Variants in CCDC178 observed in about 807,000 individuals in gnomAD.
CCDC178 encodes the protein coiled-coil domain containing 178.
CCDC178 carries 126 observed loss-of-function variants against 117.4 expected under a neutral mutation model. The ratio of observed to expected loss-of-function variants is 1.07; its 90% confidence interval spans 0.93 to 1.24. CCDC178 has a LOEUF of 1.24. Among genes scored for constraint, CCDC178 ranks in the 50% most tolerant of loss-of-function variants. CCDC178 has a pLI of 0.00. For synonymous variants in CCDC178, 283 were observed against 313.4 expected (o/e 0.90, Z 1.02); for missense variants, 1,030 against 986.9 (o/e 1.04, Z -0.59).
chr18:33,312,406 T>C (rs1034940375), intron 11 of CCDC178, among the ~76,000 whole-genome samples: 2 of 152,120 alleles, frequency 1.3e-5, no homozygotes, highest in Admixed American at 1.3e-4. Flanking sequence ...GATCTGACAG[T>C]TTTGAATGGA....
intron 20 of CCDC178, among the ~76,000 whole-genome samples, chr18:33,094,135 A>G (rs2057507578): frequency 6.6e-6 from 1 of 152,078 alleles, no homozygotes; most frequent in Non-Finnish European, 1.5e-5. Flanking sequence ...GCTGGTATCC[A>G]TATTGATCCC....
chr18:33,081,784 T>C (rs1160060963), intron 21 of CCDC178, among the ~76,000 whole-genome samples: 2 of 152,202 alleles, frequency 1.3e-5, no homozygotes, highest in Admixed American at 6.5e-5. Context: ...AGCCACTGCA[T>C]TGTTACTTTT....
chr18:33,231,328 T>C (rs1273184566), intron 15 of CCDC178, among the ~76,000 whole-genome samples: 5 of 151,980 alleles, frequency 3.3e-5, no homozygotes, highest in Non-Finnish European at 7.4e-5. Context: ...AAATGTAACG[T>C]AGTGAAAGAC....
At chr18:33,296,652 T>C (rs1363634352) in intron 11 of CCDC178, among the ~76,000 whole-genome samples, 2 of 152,128 alleles carry the variant, frequency 1.3e-5, no homozygotes, top group Non-Finnish European at 2.9e-5. Flanking sequence ...ATAAGACACA[T>C]AAAAAATCCC....
chr18:33,185,341 G>GA (rs954559775), intron 20 of CCDC178, among the ~76,000 whole-genome samples: 1 of 151,958 alleles, frequency 6.6e-6, no homozygotes, highest in African/African-American at 2.4e-5. Flanking sequence ...CACCTTCCAT[G>GA]AAAAAATGAA....
chr18:33,363,741 C>T (rs73421895), intron 6 of CCDC178, among the ~76,000 whole-genome samples: 2,380 of 152,102 alleles, frequency 0.016, 66 homozygotes, highest in African/African-American at 0.054. Flanking sequence ...CAAGGAACTT[C>T]ATCTGTATCA....
intron 21 of CCDC178, among the ~76,000 whole-genome samples, chr18:32,990,992 T>C (rs2055376622): frequency 6.6e-6 from 1 of 151,406 alleles, no homozygotes; most frequent in African/African-American, 2.4e-5. Context: ...TGAGTAGTTA[T>C]CTGCTTTAAA....
At chr18:33,157,786 A>T (rs2058418519) in intron 20 of CCDC178, among the ~76,000 whole-genome samples, 1 of 151,916 alleles carries the variant, frequency 6.6e-6, no homozygotes, top group Admixed American at 6.6e-5. Flanking sequence ...CAGATTGATT[A>T]CTTCTATATT....
intron 5 of CCDC178, among the ~76,000 whole-genome samples, chr18:33,377,259 G>A (rs1449354001): frequency 1.3e-5 from 2 of 149,382 alleles, no homozygotes; most frequent in South Asian, 4.3e-4. Context: ...CTTTTGAAAA[G>A]TGTTTATGTC....
At chr18:33,240,482 GAA>G (rs1022497385) in intron 15 of CCDC178, among the ~76,000 whole-genome samples, 2 of 150,940 alleles carry the variant, frequency 1.3e-5, no homozygotes, top group Non-Finnish European at 3.0e-5. Context: ...GCTAGACTAA[GAA>G]AAAAAGAGAG....
chr18:33,028,034 G>A (rs999098430), intron 21 of CCDC178, among the ~76,000 whole-genome samples: 1 of 151,556 alleles, frequency 6.6e-6, no homozygotes, highest in African/African-American at 2.4e-5. Context: ...AGCAAATCTA[G>A]AACTTCAAAG....
intron 20 of CCDC178, among the ~76,000 whole-genome samples, chr18:33,195,956 T>C (rs1368542584): frequency 6.6e-6 from 1 of 152,174 alleles, no homozygotes; most frequent in Non-Finnish European, 1.5e-5. Flanking sequence ...TAGAGTTGAA[T>C]TACCTAAAGA....
intron 20 of CCDC178, among the ~76,000 whole-genome samples, chr18:33,202,834 T>C (rs2059008040): frequency 6.6e-6 from 1 of 152,234 alleles, no homozygotes; most frequent in Non-Finnish European, 1.5e-5. Context: ...ATATATTCTT[T>C]ACCTGTATTC....
intron 21 of CCDC178, among the ~76,000 whole-genome samples, chr18:33,034,759 T>G (rs1418637688): frequency 1.3e-5 from 2 of 151,968 alleles, no homozygotes; most frequent in Non-Finnish European, 2.9e-5. Context: ...TTCAATTCCT[T>G]TCAAAAATCA....
At chr18:33,325,833 G>GT (rs1568148493) in intron 10 of CCDC178, among the ~76,000 whole-genome samples, 1 of 152,098 alleles carries the variant, frequency 6.6e-6, no homozygotes, top group East Asian at 1.9e-4. Flanking sequence ...AAGTTTATTT[G>GT]TTGAAGTACA....
At position 33,223,219 on chromosome 18, in the gene CCDC178, T is replaced by A; in HGVS notation, c.1819A>T (p.Met607Leu). 6.3e-7 allele frequency: 1 copy of A among 1,591,964 alleles called. No individual in the cohort carries two copies. The highest frequency in any genetic ancestry group is 8.5e-7 in the Non-Finnish European group (1 of 1,170,342). Residue 607 changes from methionine to leucine, a missense_variant and splice_region_variant, in exon 18 of 23, where the codon ATG (methionine) becomes TTG (leucine). Physicochemically the swap from Met to Leu is conservative, Grantham distance 15 (BLOSUM62 2). Coordinates refer to ENST00000383096, the MANE Select transcript of CCDC178 (RefSeq NM_001105528.4). ...IRSLDKEHSV[M>L]LNNIIDQKDL... ...TTCTGATCAATTATATTATTAAGCA[T>A]CTAGAAGACATTCAGATATTAAGAT...
rs79521578 is a variant in CCDC178, at chr18:32,949,950, C to T, written c.2524-11859G>A. ...GTGGGAATAGAATTACGTTAGCATACGGCTAATTAATCCCTACCACTGAGG... is the reference window on the plus strand; with the variant it reads ...GTGGGAATAGAATTACGTTAGCATATGGCTAATTAATCCCTACCACTGAGG... On this transcript the variant is annotated intron_variant, in intron 22 of 22. Transcript: ENST00000383096. 3.8e-3 allele frequency among the ~76,000 whole-genome samples: 578 copies of T among 152,244 alleles called. 7 individuals carry two copies. Among genetic ancestry groups the T allele is most frequent in the African/African-American group, 0.01 (420 of 41,576 alleles).
At chr18:33,379,249 C>A (rs1326898307) in intron 5 of CCDC178, among the ~76,000 whole-genome samples, 1 of 140,632 alleles carries the variant, frequency 7.1e-6, no homozygotes, top group East Asian at 2.1e-4. Context: ...CTAATCCCCT[C>A]CCTAGGAGTG....
chr18:32,941,873 T>C (rs556006054), intron 22 of CCDC178, among the ~76,000 whole-genome samples: 3 of 152,232 alleles, frequency 2.0e-5, no homozygotes, highest in Admixed American at 6.5e-5. Flanking sequence ...GGAATAAACT[T>C]CCAGTAGAAA....
Sources: gnomAD v4.1 joint callset for allele counts (sites outside exome capture counted in the v4.1 genomes callset) on GRCh38, gnomAD v4.1.1 for gene constraint, MANE v1.5 for transcripts, NCBI Gene and HGNC (gene_info 2026-07-23, HGNC 2026-07-21) for gene names.